The following AKAP6 variants were observed in gnomAD, a reference collection of about 807,000 sequenced individuals.
The protein encoded by AKAP6 is A-kinase anchor protein 6.
Under a neutral mutation model 188.5 loss-of-function variants are expected in AKAP6, and 58 were observed. That is an observed-to-expected ratio of 0.31 (90% CI 0.25 to 0.38). AKAP6 has a LOEUF of 0.38. AKAP6 is among the 10% of genes least tolerant of loss of function. The pLI, the probability that AKAP6 is intolerant of heterozygous loss-of-function variation, is 1.00. For missense variants in AKAP6, 2,710 were observed against 2,740.0 expected (o/e 0.99, Z 0.24); for synonymous variants, 989 against 998.6 (o/e 0.99, Z 0.18).
At position 32,822,009 on chromosome 14, in the gene AKAP6, A is replaced by C; in HGVS notation, c.4196A>C (p.Asp1399Ala). The C allele has an allele frequency of 6.2e-7, 1 of 1,613,936 alleles. No homozygotes were observed. The highest frequency in any genetic ancestry group is 8.5e-7 in the Non-Finnish European group (1 of 1,179,944). Residue 1399 changes from aspartate to alanine, a missense_variant, in exon 13 of 14, where the codon GAC (aspartate) becomes GCC (alanine). Asp to Ala is a moderately radical substitution (Grantham distance 126). This residue lies in a region of AKAP6 where 2,473 missense variants were observed against 2,426.1 expected (regional missense o/e 1.02). Transcript: ENST00000280979. ...AGTAACCTTGAAACTGAACATCTGG[A>C]CCCACAAATGGGAGATGCAGTTAAC... ...SPSNLETEHLDPQMGDAVNVL... is the reference protein window; with the variant it reads ...SPSNLETEHLAPQMGDAVNVL...
At chr14:32,577,368 A>G (rs1594756468) in intron 5 of AKAP6, 126 bp downstream of exon 5, 1 of 1,232,474 alleles carries the variant, frequency 8.1e-7, no homozygotes, top group Non-Finnish European at 1.1e-6. Context: ...CCAAATTTTA[A>G]TGGGTCACAG....
rs554556169 is a variant in AKAP6, at chr14:32,716,518, A to G, written c.3001-15936A>G. On this transcript the variant is annotated intron_variant, in intron 9 of 13. Coordinates refer to ENST00000280979, the MANE Select transcript of AKAP6 (RefSeq NM_004274.5). ...GTATATGCTATAGTATACACTATGT[A>G]TTTAGTATATACTACATATATACTA... Among the ~76,000 whole-genome samples the G allele has an allele frequency of 2.0e-5, 3 of 150,240 alleles. No homozygotes were observed. In the South Asian group the frequency reaches 6.3e-4, roughly 31 times the overall value.
intron 2 of AKAP6, among the ~76,000 whole-genome samples, chr14:32,450,049 T>C (rs1478366801): frequency 6.6e-6 from 1 of 152,182 alleles, no homozygotes; most frequent in African/African-American, 2.4e-5. Context: ...CCCCCAGGAT[T>C]TGGAGATGGC....
In AKAP6 at chr14:32,695,701, T is replaced by C. The variant is rs139719172; in HGVS notation, c.2880-289T>C. On this transcript the variant is annotated intron_variant, in intron 8 of 13. Coordinates refer to ENST00000280979, the MANE Select transcript of AKAP6 (RefSeq NM_004274.5). ...TTTAAGGATGCAGTGGTGATCTTTTTGTTCAAGTGCTGCAAATCCTCAGAA... is the reference window on the plus strand; with the variant it reads ...TTTAAGGATGCAGTGGTGATCTTTTCGTTCAAGTGCTGCAAATCCTCAGAA... Among the ~76,000 whole-genome samples, 564 of 152,310 alleles carry C rather than the reference T, an allele frequency of 3.7e-3. 2 individuals are homozygous for C. The highest frequency in any genetic ancestry group is 0.012 in the African/African-American group (512 of 41,578).
At chr14:32,742,449 GC>G (rs2031722358) in intron 11 of AKAP6, among the ~76,000 whole-genome samples, 1 of 151,586 alleles carries the variant, frequency 6.6e-6, no homozygotes, top group Admixed American at 6.6e-5. Context: ...TCTTTAAGAT[GC>G]TTTGTTATAT....
At chr14:32,362,298 A>C (rs758878867) in intron 1 of AKAP6, among the ~76,000 whole-genome samples, 2 of 152,256 alleles carry the variant, frequency 1.3e-5, no homozygotes, top group African/African-American at 4.8e-5. Context: ...TGTGCGTTAC[A>C]AAGATAAACA....
chr14:32,411,870 T>A (rs950977900), intron 1 of AKAP6, among the ~76,000 whole-genome samples: 4 of 151,868 alleles, frequency 2.6e-5, no homozygotes, highest in Admixed American at 2.0e-4. Flanking sequence ...GAACATTTGA[T>A]CTTCTGTCTT....
intron 7 of AKAP6, among the ~76,000 whole-genome samples, chr14:32,667,567 T>G (rs1439366476): frequency 1.3e-5 from 2 of 152,142 alleles, no homozygotes; most frequent in Non-Finnish European, 2.9e-5. Context: ...TTTATATTGA[T>G]TTTTATTCTA....
intron 1 of AKAP6, among the ~76,000 whole-genome samples, chr14:32,429,123 C>T (rs1371470536): frequency 6.6e-6 from 1 of 152,126 alleles, no homozygotes; most frequent in South Asian, 2.1e-4. Context: ...CGTCTTGGAG[C>T]CAGAGTTGTA....
chr14:32,783,400 G>A (rs917878433), intron 12 of AKAP6, among the ~76,000 whole-genome samples: 1 of 151,954 alleles, frequency 6.6e-6, no homozygotes, highest in Non-Finnish European at 1.5e-5. Context: ...TGTTTGTAGT[G>A]ATCATTTTGT....
Position 32,822,371 on chromosome 14 carries a change from C to A in AKAP6, c.4558C>A (p.Pro1520Thr). The change falls in exon 13 of 14, where the codon CCA becomes ACA. Residue 1520 changes from proline (P) to threonine (T), a missense_variant. By Grantham distance (38) the Pro-to-Thr change is conservative. Transcript: ENST00000280979. Reference sequence around the variant, plus strand: ...TAAACATCAGACTACAGAGTTACAACCAGATGTACCTCCCCATGAAAGGAT... The same window carrying A: ...TAAACATCAGACTACAGAGTTACAAACAGATGTACCTCCCCATGAAAGGAT... ...KSKHQTTELQ[P>T]DVPPHERILA... is the part of the protein sequence containing the mutation. 1 of 1,613,946 alleles carries A rather than the reference C, an allele frequency of 6.2e-7. No homozygotes were observed. The highest frequency in any genetic ancestry group is 8.5e-7 in the Non-Finnish European group (1 of 1,179,918).
At chr14:32,472,200 G>C (rs1420976839) in intron 2 of AKAP6, among the ~76,000 whole-genome samples, 1 of 152,096 alleles carries the variant, frequency 6.6e-6, no homozygotes, top group African/African-American at 2.4e-5. Flanking sequence ...ACTCTAAAGT[G>C]GCTCCCCTTT....
In AKAP6 at chr14:32,361,053, C is replaced by CATATATATATATATATATATATATATAT. The variant is rs201231103; in HGVS notation, c.-35+31648_-35+31649insTATATATATATATATATATATATATATA. 1.3e-3 allele frequency among the ~76,000 whole-genome samples: 149 copies of CATATATATATATATATATATATATATAT among 111,896 alleles called. 14 individuals are homozygous for CATATATATATATATATATATATATATAT. The highest frequency in any genetic ancestry group is 8.9e-3 in the East Asian group (25 of 2,806). The allele number at this position is 111,896 out of a possible 152,430, so 73.4% of individuals were successfully genotyped here. A position where few individuals can be genotyped will look rare whatever the true frequency, so the allele number is the denominator to read the frequency against. On this transcript the variant is annotated intron_variant, in intron 1 of 13. Coordinates refer to ENST00000280979, the MANE Select transcript of AKAP6 (RefSeq NM_004274.5). ...TGTGAGCCACTGCACAAGGCCTGAA[C>CATATATATATATATATATATATATATAT]ATACATATATATATATATTTGAGAA...
At chr14:32,556,388 C>A (rs1406902243) in intron 4 of AKAP6, among the ~76,000 whole-genome samples, 1 of 152,018 alleles carries the variant, frequency 6.6e-6, no homozygotes, top group African/African-American at 2.4e-5. Context: ...TGTCACCTAG[C>A]CTGGAGTGCA....
intron 1 of AKAP6, among the ~76,000 whole-genome samples, chr14:32,335,242 G>A (rs1293468538): frequency 6.6e-6 from 1 of 152,130 alleles, no homozygotes; most frequent in Non-Finnish European, 1.5e-5. Context: ...ATAGGGCCCT[G>A]CACTGAGAAG....
At chr14:32,449,090 C>CTCCA (rs940976405) in intron 2 of AKAP6, among the ~76,000 whole-genome samples, 1 of 152,196 alleles carries the variant, frequency 6.6e-6, no homozygotes, top group African/African-American at 2.4e-5. Context: ...CAAATTAACT[C>CTCCA]TCCAGTCTGC....
At chr14:32,554,604 A>G (rs1212117490) in intron 4 of AKAP6, among the ~76,000 whole-genome samples, 1 of 152,174 alleles carries the variant, frequency 6.6e-6, no homozygotes, top group East Asian at 1.9e-4. Context: ...ATATGCAAAT[A>G]AAATCGATTT....
intron 5 of AKAP6, among the ~76,000 whole-genome samples, chr14:32,594,003 T>C (rs866150316): frequency 2.0e-4 from 31 of 152,320 alleles, no homozygotes; most frequent in South Asian, 8.3e-4. Context: ...ATCTATTACG[T>C]AGACTATTTG....
At chr14:32,613,810 A>G (rs975687859) in intron 7 of AKAP6, among the ~76,000 whole-genome samples, 2 of 152,168 alleles carry the variant, frequency 1.3e-5, no homozygotes, top group Non-Finnish European at 2.9e-5. Flanking sequence ...GTGTATACAC[A>G]TGTTTAAAAT....
Sources: gnomAD v4.1 joint callset for allele counts (sites outside exome capture counted in the v4.1 genomes callset) on GRCh38, gnomAD v4.1.1 for gene constraint, gnomAD v4.1.1 regional missense constraint, MANE v1.5 for transcripts, NCBI Gene and HGNC (gene_info 2026-07-23, HGNC 2026-07-21) for gene names.